AK8: variants seen among roughly 807,000 people sequenced by gnomAD.
AK8 encodes adenylate kinase 8, also known as ATP-AMP transphosphorylase 8.
In AK8, 44 loss-of-function variants were observed where a neutral mutation model predicts 54.6. The ratio of observed to expected loss-of-function variants is 0.81; its 90% confidence interval spans 0.63 to 1.04. The LOEUF is 1.04. AK8 is among the 50% of genes least tolerant of loss of function. The pLI is 0.00. For missense variants in AK8, 555 were observed against 613.6 expected (o/e 0.90, Z 1.01); for synonymous variants, 239 against 245.6 (o/e 0.97, Z 0.25).
intron 4 of AK8, among the ~76,000 whole-genome samples, chr9:132,858,316 C>A (rs1033014651): frequency 6.6e-6 from 1 of 152,266 alleles, no homozygotes; most frequent in African/African-American, 2.4e-5. Flanking sequence ...TGTTCTGAGG[C>A]AGCCAAGTGT....
chr9:132,779,573 C>G (rs1364395875), intron 11 of AK8, among the ~76,000 whole-genome samples: 2 of 152,230 alleles, frequency 1.3e-5, no homozygotes, highest in Non-Finnish European at 2.9e-5. Flanking sequence ...ACAGGAGGTA[C>G]TCTGGGCACT....
At chr9:132,794,989 C>G (rs1840097049) in intron 10 of AK8, among the ~76,000 whole-genome samples, 1 of 152,164 alleles carries the variant, frequency 6.6e-6, no homozygotes, top group Non-Finnish European at 1.5e-5. Flanking sequence ...CTTTTCAATT[C>G]AGGAGATGTG....
At chr9:132,764,812 C>T (rs1316675314) in intron 11 of AK8, among the ~76,000 whole-genome samples, 1 of 152,202 alleles carries the variant, frequency 6.6e-6, no homozygotes, top group Non-Finnish European at 1.5e-5. Context: ...TCTTCTCAAA[C>T]TTTTCTACAA....
At chr9:132,726,012 T>A in intron 12 of AK8, 87 bp from the exon 13 acceptor site, 1 of 1,238,634 alleles carries the variant, frequency 8.1e-7, no homozygotes, top group Non-Finnish European at 1.2e-6. Context: ...GTGGACCAAT[T>A]TGGGGTGTCC....
chr9:132,856,773 G>GA (rs1322000192), intron 4 of AK8, among the ~76,000 whole-genome samples: 1 of 152,196 alleles, frequency 6.6e-6, no homozygotes, highest in Non-Finnish European at 1.5e-5. Flanking sequence ...TCGTGGGCAT[G>GA]ACGGGTGTGG....
At chr9:132,844,561 C>T (rs1253323754) in intron 5 of AK8, among the ~76,000 whole-genome samples, 4 of 152,144 alleles carry the variant, frequency 2.6e-5, no homozygotes, top group African/African-American at 9.7e-5. Flanking sequence ...TTTTGAACAA[C>T]CAAAGCACAT....
At chr9:132,858,869 C>T (rs181714343) in intron 4 of AK8, among the ~76,000 whole-genome samples, 12 of 152,218 alleles carry the variant, frequency 7.9e-5, no homozygotes, top group South Asian at 6.2e-4. Context: ...GACAGGCGCA[C>T]GGAAGGACGT....
At chr9:132,807,997 C>G (rs1840800607) in intron 10 of AK8, among the ~76,000 whole-genome samples, 1 of 151,938 alleles carries the variant, frequency 6.6e-6, no homozygotes, top group African/African-American at 2.4e-5. Context: ...TGCTTGAGTT[C>G]AGAGAGGAAA....
At chr9:132,870,613 C>T (rs1175227811) in intron 2 of AK8, among the ~76,000 whole-genome samples, 8 of 152,362 alleles carry the variant, frequency 5.3e-5, no homozygotes, top group African/African-American at 1.9e-4. Context: ...TTTCTGGCGG[C>T]GAAGGGGCTG....
chr9:132,726,768 C>T (rs182995032), intron 12 of AK8, among the ~76,000 whole-genome samples: 15 of 151,928 alleles, frequency 9.9e-5, no homozygotes, highest in East Asian at 1.9e-4. Context: ...TGGGAGAGAC[C>T]GCAGGGACAG....
At chr9:132,757,017 A>G (rs1184993428) in intron 11 of AK8, among the ~76,000 whole-genome samples, 3 of 152,170 alleles carry the variant, frequency 2.0e-5, no homozygotes, top group South Asian at 2.1e-4. Context: ...TGAGCACTCT[A>G]TATCAGTTGT....
chr9:132,845,881 C>T (rs913274909), intron 5 of AK8, among the ~76,000 whole-genome samples: 1 of 144,782 alleles, frequency 6.9e-6, no homozygotes, highest in African/African-American at 2.5e-5. Context: ...CAGAAACTAT[C>T]ACTCAGTGAG....
At chr9:132,762,754 A>G (rs1838542407) in intron 11 of AK8, among the ~76,000 whole-genome samples, 1 of 152,114 alleles carries the variant, frequency 6.6e-6, no homozygotes, top group Non-Finnish European at 1.5e-5. Context: ...AAATACAAAA[A>G]TTAGTCAGGG....
intron 11 of AK8, among the ~76,000 whole-genome samples, chr9:132,788,894 T>C (rs1207418530): frequency 6.6e-6 from 1 of 152,230 alleles, no homozygotes; most frequent in Non-Finnish European, 1.5e-5. Flanking sequence ...TAATCCATAT[T>C]ATAGATGCAT....
intron 11 of AK8, among the ~76,000 whole-genome samples, chr9:132,764,769 C>T (rs1838645074): frequency 6.6e-6 from 1 of 152,176 alleles, no homozygotes; most frequent in South Asian, 2.1e-4. Flanking sequence ...ATGGCCAAAA[C>T]CACAATTCCT....
At chr9:132,871,550 C>G (rs1023418164) in intron 2 of AK8, among the ~76,000 whole-genome samples, 4 of 152,208 alleles carry the variant, frequency 2.6e-5, no homozygotes, top group African/African-American at 7.2e-5. Flanking sequence ...TGACTCGACT[C>G]CCTGAGAGCA....
chr9:132,843,720 T>C (rs1295390881), intron 5 of AK8, among the ~76,000 whole-genome samples: 1 of 152,184 alleles, frequency 6.6e-6, no homozygotes, highest in African/African-American at 2.4e-5. Flanking sequence ...TCTCTATGTT[T>C]AAAGTCATCC....
rs1032786144 is a variant in AK8, at chr9:132,839,829, G to T, written c.403-11103C>A. ...AAAACATTTTTTTTGCCGGGGGGGGGGGCGCAGGGACGGAGCCTTGCTCTG... is the reference window on the plus strand; with the variant it reads ...AAAACATTTTTTTTGCCGGGGGGGGTGGCGCAGGGACGGAGCCTTGCTCTG... On this transcript the variant is annotated intron_variant, in intron 5 of 12. Transcript: ENST00000298545. 5.4e-5 allele frequency among the ~76,000 whole-genome samples: 8 copies of T among 147,396 alleles called. 1 individual carries two copies. The highest frequency in any genetic ancestry group is 4.1e-4 in the East Asian group (2 of 4,902).
intron 10 of AK8, among the ~76,000 whole-genome samples, chr9:132,814,423 C>A (rs423219): frequency 0.029 from 4,376 of 151,934 alleles, 232 homozygotes; most frequent in African/African-American, 0.099. Flanking sequence ...ATAACCCCCC[C>A]ACATCCACAA....
Sources: allele counts gnomAD v4.1 joint callset (sites outside exome capture counted in the v4.1 genomes callset), GRCh38; gene constraint gnomAD v4.1.1; transcripts MANE v1.5; gene names NCBI Gene and HGNC (gene_info 2026-07-23, HGNC 2026-07-21).